Variants in SHANK2 observed in about 807,000 individuals in gnomAD.
The protein encoded by SHANK2 is SH3 and multiple ankyrin repeat domains protein 2.
A neutral mutation model predicts 133.7 loss-of-function variants in SHANK2; 43 were observed. The observed-to-expected ratio is 0.32, with a 90% CI of 0.25 to 0.41. The LOEUF is 0.41. Among genes scored for constraint, SHANK2 ranks in the 10% least tolerant of loss-of-function variants. The pLI, the probability that SHANK2 is intolerant of heterozygous loss-of-function variation, is 1.00. For synonymous variants in SHANK2, 1,017 were observed against 952.8 expected, an observed-to-expected ratio of 1.07 and a Z score of -1.24; for missense variants, 1,994 against 2,235.8, an observed-to-expected ratio of 0.89 and a Z score of 2.18.
chr11:70,731,983 C>T (rs1360538529), intron 14 of SHANK2, among the ~76,000 whole-genome samples: 1 of 152,150 alleles, frequency 6.6e-6, no homozygotes, highest in African/African-American at 2.4e-5. Context: ...CCTGTGGCCT[C>T]CTCCTCAGCT....
At chr11:70,936,695 C>T (rs1555083492) in intron 10 of SHANK2, among the ~76,000 whole-genome samples, 1 of 152,182 alleles carries the variant, frequency 6.6e-6, no homozygotes, top group African/African-American at 2.4e-5. Flanking sequence ...CAGTTCTCCA[C>T]TAACGAACAG....
chr11:71,227,558 C>G (rs1954661028), intron 1 of SHANK2, among the ~76,000 whole-genome samples: 1 of 151,592 alleles, frequency 6.6e-6, no homozygotes, highest in South Asian at 2.1e-4. Flanking sequence ...GAGCAAAATA[C>G]ATGAAGCAAA....
Position 70,830,482 on chromosome 11 carries a change from A to T in SHANK2, c.1175-9800T>A, listed in dbSNP as rs1948710375. Among the ~76,000 whole-genome samples, 1 of 152,172 alleles carries T rather than the reference A, an allele frequency of 6.6e-6. No homozygotes were observed. Among genetic ancestry groups the T allele is most frequent in the Non-Finnish European group, 1.5e-5 (1 of 68,030 alleles). ...CGGCCCTTCACCCTCCAAGCCACGG[A>T]GACCCAGAAACCTGCCACCGACCAG... is the stretch of plus-strand genomic sequence containing the variant. On this transcript the variant is annotated intron_variant, in intron 11 of 25. Coordinates refer to ENST00000601538, the MANE Select transcript of SHANK2 (RefSeq NM_012309.5). This position sits in a 1 kb window ranked among gnomAD's most constrained non-coding sequence, Gnocchi z 4.4.
Position 70,500,570 on chromosome 11 carries a change from CCTT to C in SHANK2, c.2305_2307del (p.Lys769del), listed in dbSNP as rs1555158192. 13 of 1,603,494 alleles carry C rather than the reference CCTT, an allele frequency of 8.1e-6. No individual in the cohort carries two copies. Among genetic ancestry groups the C allele is most frequent in the Admixed American group, 1.7e-5 (1 of 58,716 alleles). On this transcript the variant is annotated inframe_deletion and splice_region_variant, in exon 21 of 26. Transcript: ENST00000601538. The surrounding 1 kb of genome is among the most constrained non-coding windows in gnomAD (Gnocchi z 4.5). Reference sequence around the variant, plus strand: ...GAGACAGACACTGGGCCTCCCTTACCCTTCTTCTTCCGGACCGAGGCTTGCAAA... The same window carrying C: ...GAGACAGACACTGGGCCTCCCTTACCCTTCTTCCGGACCGAGGCTTGCAAA...
chr11:70,635,827 C>G (rs576527292), intron 17 of SHANK2, among the ~76,000 whole-genome samples: 40 of 152,264 alleles, frequency 2.6e-4, no homozygotes, highest in African/African-American at 9.6e-4. Flanking sequence ...CAGCTCTCCA[C>G]AAGGTCTTCA....
In SHANK2 at chr11:71,173,341, G is replaced by A. The variant is rs1198170072; in HGVS notation, c.-12-26003C>T. On this transcript the variant is annotated intron_variant, in intron 2 of 25. Transcript: ENST00000601538. Reference sequence around the variant, plus strand: ...TGCTGTGACCCTGCCTGCTTTTGGAGCAGATGTAAAGGATGAAGCTCCTGG... The same window carrying A: ...TGCTGTGACCCTGCCTGCTTTTGGAACAGATGTAAAGGATGAAGCTCCTGG... 4.6e-5 allele frequency among the ~76,000 whole-genome samples: 7 copies of A among 152,198 alleles called. No individual in the cohort carries two copies. The East Asian group carries it at 5.8e-4, about 13-fold the overall frequency.
chr11:70,554,196 C>T (rs1180083373), intron 17 of SHANK2, among the ~76,000 whole-genome samples: 2 of 152,222 alleles, frequency 1.3e-5, no homozygotes, highest in African/African-American at 2.4e-5. Context: ...TAAGAAATCA[C>T]AGGCACCTCC....
In SHANK2 at chr11:70,926,211, C is replaced by T. The variant is rs188963702; in HGVS notation, c.1108-29644G>A. 4.6e-5 allele frequency among the ~76,000 whole-genome samples: 7 copies of T among 152,212 alleles called. No individual in the cohort carries two copies. The East Asian group carries it at 1.2e-3, about 25-fold the overall frequency. On this transcript the variant is annotated intron_variant, in intron 10 of 25. Transcript: ENST00000601538. Reference sequence around the variant, plus strand: ...TCCCTTGAGCTCAGGAGTTCGAGACCAGCCTGGGCAACAGAGTGAGACTCC... The same window carrying T: ...TCCCTTGAGCTCAGGAGTTCGAGACTAGCCTGGGCAACAGAGTGAGACTCC...
rs146882979 is a variant in SHANK2, at chr11:71,217,178, C to T, written c.-13+7519G>A. Among the ~76,000 whole-genome samples, 4 of 151,202 alleles carry T rather than the reference C, an allele frequency of 2.6e-5. No individual in the cohort carries two copies. The East Asian group carries it at 5.8e-4, about 22-fold the overall frequency. The stretch of plus-strand genomic sequence containing the variant: ...TGCCATTGCACTCCAGCCTGGGTGA[C>T]AAGAGCAAAACTCCGTCTCAAAATA... On this transcript the variant is annotated intron_variant, in intron 2 of 25. Transcript: ENST00000601538.
intron 1 of SHANK2, among the ~76,000 whole-genome samples, chr11:71,238,247 C>G (rs1371142141): frequency 1.3e-5 from 2 of 152,236 alleles, no homozygotes; most frequent in Admixed American, 6.5e-5. Context: ...GAGGTCTCAA[C>G]AGGCCAGTGG....
At chr11:71,074,331 C>T (rs1012833300) in intron 9 of SHANK2, among the ~76,000 whole-genome samples, 4 of 152,168 alleles carry the variant, frequency 2.6e-5, no homozygotes, top group Admixed American at 2.0e-4. Context: ...TTTTGCAAAT[C>T]AGGTGTCTGA....
At chr11:70,886,808 CACCCGGT>C (rs1235178300) in intron 11 of SHANK2, among the ~76,000 whole-genome samples, 1 of 152,152 alleles carries the variant, frequency 6.6e-6, no homozygotes, top group Non-Finnish European at 1.5e-5. Context: ...ATTATACAGG[CACCCGGT>C]CTTGAAACCT....
intron 6 of SHANK2, among the ~76,000 whole-genome samples, chr11:71,097,813 C>CA (rs1228866389): frequency 6.6e-6 from 1 of 152,268 alleles, no homozygotes; most frequent in African/African-American, 2.4e-5. Flanking sequence ...ACCCAGCGGG[C>CA]ACAGGGCAGT....
intron 25 of SHANK2, chr11:70,474,643 A>T (rs896373136): frequency 2.6e-5 from 4 of 152,130 alleles, no homozygotes; most frequent in Non-Finnish European, 5.9e-5. Context: ...CATTCATCCT[A>T]TTGTCCCTAG....
intron 1 of SHANK2, among the ~76,000 whole-genome samples, chr11:71,235,850 G>A (rs781911274): frequency 3.3e-5 from 5 of 152,164 alleles, no homozygotes; most frequent in Admixed American, 6.5e-5. Context: ...CTGCCGTGAC[G>A]ATGGGCACAC....
intron 2 of SHANK2, among the ~76,000 whole-genome samples, chr11:71,185,738 A>C (rs1369585460): frequency 6.6e-6 from 1 of 152,174 alleles, no homozygotes; most frequent in Non-Finnish European, 1.5e-5. Context: ...AAGCAGATAC[A>C]ATGGGTCCTC....
Position 70,471,121 on chromosome 11 carries a change from A to C in SHANK2, c.*1748T>G, listed in dbSNP as rs2058593080. 1 of 397,202 alleles carries C rather than the reference A, an allele frequency of 2.5e-6. No homozygotes were observed. The highest frequency in any genetic ancestry group is 2.1e-5 in the African/African-American group (1 of 48,622). The allele number at this position is 397,202 out of a possible 1,614,324, so 24.6% of individuals were successfully genotyped here. ...TGAAGTGGCACAAAGGCTGCCTAGT[A>C]GACCAGCCACTTTTTTTTCTTAAAA... is the stretch of plus-strand genomic sequence containing the variant. On this transcript the variant is annotated 3_prime_UTR_variant, in exon 26 of 26. Coordinates refer to ENST00000601538, the MANE Select transcript of SHANK2 (RefSeq NM_012309.5). This position sits in a 1 kb window ranked among gnomAD's most constrained non-coding sequence, Gnocchi z 4.1.
At chr11:71,155,814 G>A (rs1308801335) in intron 2 of SHANK2, among the ~76,000 whole-genome samples, 4 of 151,722 alleles carry the variant, frequency 2.6e-5, no homozygotes, top group South Asian at 2.1e-4. Context: ...GCACCAGCAT[G>A]GCATTAGACA....
chr11:71,086,078 GTTATATAATATATTAAA>G lies in SHANK2; in HGVS notation c.912+6327_912+6343del, dbSNP rs1286208925. On this transcript the variant is annotated intron_variant, in intron 8 of 25. Coordinates refer to ENST00000601538, the MANE Select transcript of SHANK2 (RefSeq NM_012309.5). ...TATAATATATTATATAATATATTATGTTATATAATATATTAAATTATATAATATATTATGTTATATAA... is the reference window on the plus strand; with the variant it reads ...TATAATATATTATATAATATATTATGTTATATAATATATTATGTTATATAA... 2.9e-4 allele frequency among the ~76,000 whole-genome samples: 11 copies of G among 38,248 alleles called. 1 individual carries two copies. In the East Asian group the frequency reaches 3.7e-3, roughly 13 times the overall value. 25.1% of individuals were successfully genotyped at this position (38,248 alleles called of 152,430 possible). A position where few individuals can be genotyped will look rare whatever the true frequency, so the allele number is the denominator to read the frequency against.
Sources: gnomAD v4.1 joint callset for allele counts (sites outside exome capture counted in the v4.1 genomes callset) on GRCh38, gnomAD v4.1.1 for gene constraint, Gnocchi (gnomAD v3.1) non-coding constraint, MANE v1.5 for transcripts, NCBI Gene and HGNC (gene_info 2026-07-23, HGNC 2026-07-21) for gene names.